Variants in CHFR observed in about 807,000 individuals in gnomAD.
The protein encoded by CHFR is E3 ubiquitin-protein ligase CHFR.
Under a neutral mutation model 87.6 loss-of-function variants are expected in CHFR, and 57 were observed. That is an observed-to-expected ratio of 0.65 (90% CI 0.53 to 0.81). The LOEUF is 0.81. CHFR is among the 30% of genes least tolerant of loss of function. The pLI is 0.00. For missense variants in CHFR, 797 were observed against 865.8 expected, an observed-to-expected ratio of 0.92 and a Z score of 1.00; for synonymous variants, 381 against 359.2, an observed-to-expected ratio of 1.06 and a Z score of -0.69.
rs1460177768 is a variant in CHFR at position 132,836,439 on chromosome 12, C to T, written c.*5115G>A. The T allele has an allele frequency of 6.2e-6, 2 of 320,794 alleles. No homozygotes were observed. The highest frequency in any genetic ancestry group is 1.2e-5 in the Non-Finnish European group (2 of 172,102). 19.9% of individuals were successfully genotyped at this position (320,794 alleles called of 1,614,324 possible). ...TCACAGTGACAGGCTCCCAGCACGG[C>T]GCACGGCACTCACAGTGACAGGCTC... On this transcript the variant is annotated 3_prime_UTR_variant, in exon 18 of 18. Transcript: ENST00000450056.
chr12:132,884,509 G>C (rs1193558775), intron 2 of CHFR, among the ~76,000 whole-genome samples: 1 of 152,012 alleles, frequency 6.6e-6, no homozygotes, highest in Admixed American at 6.6e-5. Context: ...CTGAGTGTCT[G>C]TACCCCCCTA....
intron 10 of CHFR, 184 bp from the exon 11 acceptor site, chr12:132,853,757 G>A (rs1321936646): frequency 3.1e-5 from 20 of 641,376 alleles, no homozygotes; most frequent in Non-Finnish European, 4.5e-5. Flanking sequence ...AGAACGAGTC[G>A]AAGGGCAAGG....
chr12:132,851,008 T>G (rs1182807944), intron 12 of CHFR, among the ~76,000 whole-genome samples: 3 of 149,294 alleles, frequency 2.0e-5, no homozygotes, highest in Admixed American at 2.0e-4. Flanking sequence ...TGTTTTGTTT[T>G]GAGACAGGAT....
At chr12:132,871,266 A>C (rs917916714) in intron 4 of CHFR, among the ~76,000 whole-genome samples, 1 of 149,690 alleles carries the variant, frequency 6.7e-6, no homozygotes, top group African/African-American at 2.5e-5. Context: ...AGCCTGGCCA[A>C]CACGGCGAAA....
intron 8 of CHFR, among the ~76,000 whole-genome samples, chr12:132,858,155 G>A (rs1019260672): frequency 1.3e-5 from 2 of 152,036 alleles, no homozygotes; most frequent in Non-Finnish European, 2.9e-5. Context: ...GCAGGAGTTC[G>A]AGACCAGCCT....
rs76242920 is a variant in CHFR, at chr12:132,848,429, T to C, written c.1576+212A>G. On this transcript the variant is annotated intron_variant, in intron 13 of 17. Transcript: ENST00000450056. The stretch of plus-strand genomic sequence containing the variant: ...CTGCAAGGATTCTGTCCTGGGAGTA[T>C]CTCCCCTAATAATTCTGTTAAGGCT... 163 of 698,386 alleles carry C rather than the reference T, an allele frequency of 2.3e-4. 1 individual carries two copies. The East Asian group carries it at 4.0e-3, about 17-fold the overall frequency. The allele number at this position is 698,386 out of a possible 1,614,324, so 43.3% of individuals were successfully genotyped here.
chr12:132,854,480 C>T (rs1274989395), intron 10 of CHFR: 1 of 152,214 alleles, frequency 6.6e-6, no homozygotes, highest in South Asian at 2.1e-4. Flanking sequence ...AATTCAAACG[C>T]TGGGGACATT....
chr12:132,855,274 T>G (rs1032373446), intron 10 of CHFR, among the ~76,000 whole-genome samples: 3 of 150,158 alleles, frequency 2.0e-5, no homozygotes, highest in Non-Finnish European at 4.4e-5. Flanking sequence ...AAAAAAAAAT[T>G]AGCCAAGTTT....
chr12:132,850,644 A>G (rs1950919143), intron 12 of CHFR, among the ~76,000 whole-genome samples: 2 of 152,172 alleles, frequency 1.3e-5, no homozygotes, highest in African/African-American at 4.8e-5. Flanking sequence ...TACAGACCCC[A>G]GCAGTAACCT....
chr12:132,887,530 T>A lies in CHFR; in HGVS notation c.-13+17A>T. ...CCCTTCGCCGCCCGCCGCAGCCCCCTCGCCAGCCGCGCTTACCCCCGCCCC... is the reference window on the plus strand; with the variant it reads ...CCCTTCGCCGCCCGCCGCAGCCCCCACGCCAGCCGCGCTTACCCCCGCCCC... On this transcript the variant is annotated intron_variant, in intron 1 of 17. Transcript: ENST00000450056. The A allele has an allele frequency of 5.5e-6, 1 of 181,920 alleles. No individual in the cohort carries two copies. The highest frequency in any genetic ancestry group is 1.0e-5 in the Non-Finnish European group (1 of 95,816). 11.3% of individuals were successfully genotyped at this position (181,920 alleles called of 1,614,324 possible).
At chr12:132,859,040 C>A in intron 8 of CHFR, 28 bp downstream of exon 8, 1 of 1,600,812 alleles carries the variant, frequency 6.2e-7, no homozygotes. Flanking sequence ...TGCCATGTTC[C>A]GTGAGCCAAG....
intron 12 of CHFR, among the ~76,000 whole-genome samples, chr12:132,850,964 CATATATATATATATATAT>C (rs55826641): frequency 2.2e-5 from 3 of 135,678 alleles, no homozygotes; most frequent in African/African-American, 5.7e-5. Flanking sequence ...TATGTGTGTG[CATATATATATATATATAT>C]ATATATATAT....
rs545702707 is a variant in CHFR at position 132,848,949 on chromosome 12, G to A, written c.1493-225C>T. 9 of 527,832 alleles carry A rather than the reference G, an allele frequency of 1.7e-5. No individual in the cohort carries two copies. The South Asian group carries it at 2.5e-4, about 14-fold the overall frequency. The allele number at this position is 527,832 out of a possible 1,614,324, so 32.7% of individuals were successfully genotyped here. A position where few individuals can be genotyped will look rare whatever the true frequency, so the allele number is the denominator to read the frequency against. On this transcript the variant is annotated intron_variant, in intron 12 of 17. Coordinates refer to ENST00000450056, the MANE Select transcript of CHFR (RefSeq NM_001161346.2). ...AAAAAAGGCGAGGCTCACATTTTCT[G>A]GTTTGTTATTTTTTAGAGATGGAGT...
intron 3 of CHFR, among the ~76,000 whole-genome samples, chr12:132,873,102 G>A (rs1041938626): frequency 3.3e-5 from 5 of 152,114 alleles, no homozygotes; most frequent in Admixed American, 6.6e-5. Context: ...CACACAAAAC[G>A]GCAACCGGGC....
chr12:132,863,742 A>C (rs1012202829), intron 6 of CHFR, among the ~76,000 whole-genome samples: 1 of 152,094 alleles, frequency 6.6e-6, no homozygotes, highest in African/African-American at 2.4e-5. Flanking sequence ...TGGCAGAAAA[A>C]CAGGCAGACT....
intron 3 of CHFR, among the ~76,000 whole-genome samples, chr12:132,876,096 A>G (rs1037477495): frequency 6.6e-6 from 1 of 151,992 alleles, no homozygotes; most frequent in Non-Finnish European, 1.5e-5. Context: ...GAATGGCTGG[A>G]ACCTGGGAGT....
At chr12:132,843,764 C>T (rs965003889) in intron 16 of CHFR, among the ~76,000 whole-genome samples, 1 of 152,094 alleles carries the variant, frequency 6.6e-6, no homozygotes, top group African/African-American at 2.4e-5. Flanking sequence ...GCCTGGCCAA[C>T]ATGGTGAAAC....
At chr12:132,844,538 C>G (rs1208675065) in intron 15 of CHFR, among the ~76,000 whole-genome samples, 1 of 149,296 alleles carries the variant, frequency 6.7e-6, no homozygotes, top group African/African-American at 2.4e-5. Context: ...CCCGCCTCGG[C>G]CTCCCAAAGT....
At chr12:132,880,012 C>T (rs931255031) in intron 2 of CHFR, among the ~76,000 whole-genome samples, 1 of 152,196 alleles carries the variant, frequency 6.6e-6, no homozygotes, top group Non-Finnish European at 1.5e-5. Context: ...TTGTTTCATA[C>T]ATTCAATGCA....
Sources: gnomAD v4.1 joint callset for allele counts (sites outside exome capture counted in the v4.1 genomes callset) on GRCh38, gnomAD v4.1.1 for gene constraint, MANE v1.5 for transcripts, NCBI Gene and HGNC (gene_info 2026-07-23, HGNC 2026-07-21) for gene names.